MROH2A: variants seen among roughly 807,000 people sequenced by gnomAD.
The protein encoded by MROH2A is maestro heat-like repeat-containing protein family member 2A.
A neutral mutation model predicts 200.4 loss-of-function variants in MROH2A; 174 were observed. The observed-to-expected ratio is 0.87, with a 90% confidence interval of 0.77 to 0.98. The LOEUF is 0.98. Ranked by LOEUF, MROH2A falls within the 50% of genes least tolerant of loss-of-function variation. MROH2A has a pLI of 0.00. For missense variants in MROH2A, 2,045 were observed against 2,139.6 expected (o/e 0.96, Z 0.87); for synonymous variants, 829 against 840.4 (o/e 0.99, Z 0.23).
intron 5 of MROH2A, 111 bp from the exon 6 acceptor site, chr2:233,792,685 G>A (rs1460775162): frequency 1.4e-6 from 1 of 690,748 alleles, no homozygotes; most frequent in South Asian, 1.7e-5. Flanking sequence ...GGCTAAGCCA[G>A]CTCTGGACTG....
intron 10 of MROH2A, 77 bp from the exon 11 acceptor site, chr2:233,796,123 C>G: frequency 6.6e-7 from 1 of 1,510,302 alleles, no homozygotes; most frequent in Non-Finnish European, 9.0e-7. Flanking sequence ...CCCCTCTGAG[C>G]GCTGGGCCTG....
At chr2:233,812,608 C>T (rs535681443) in intron 24 of MROH2A, among the ~76,000 whole-genome samples, 1 of 152,212 alleles carries the variant, frequency 6.6e-6, no homozygotes, top group African/African-American at 2.4e-5. Flanking sequence ...ATGCTGAGTA[C>T]TGAAGGGACA....
Position 233,797,570 on chromosome 2 carries a change from C to T in MROH2A, c.1253-1204C>T, listed in dbSNP as rs2110297. On this transcript the variant is annotated intron_variant, in intron 11 of 41. Transcript: ENST00000389758. ...CGTGGGGCAGTATTTATAGCATGAC[C>T]TTAGTGATGTGGAAGAAATCTATGT... Among the ~76,000 whole-genome samples, 353 of 152,280 alleles carry T rather than the reference C, an allele frequency of 2.3e-3. 11 individuals are homozygous for T. The East Asian group carries it at 0.045, about 19-fold the overall frequency.
rs961878662 is a variant in MROH2A, at chr2:233,818,729, G to A, written c.3163G>A (p.Asp1055Asn). The change falls in exon 29 of 42, where the codon GAT (aspartate) becomes AAT (asparagine). Residue 1055 changes from aspartate (D) to asparagine (N), a missense_variant. By Grantham distance (23) the Asp-to-Asn change is conservative (BLOSUM62 1). Around this residue, in one of 3 missense-constraint regions of MROH2A, gnomAD observed 1,201 missense variants for 1,311.3 expected, o/e 0.92. Coordinates refer to ENST00000389758, the MANE Select transcript of MROH2A (RefSeq NM_001394639.1). ...ATGTAAGGGGGACCTCCAGAGCACA[G>A]ATGTGGAGAAGATCTTCTGTGCATC... ...EKCKGDLQST[D>N]VEKIFCASSR... is the part of the protein sequence containing the mutation. The A allele has an allele frequency of 6.5e-7, 1 of 1,550,270 alleles. No homozygotes were observed. Among genetic ancestry groups the A allele is most frequent in the African/African-American group, 1.4e-5 (1 of 73,164 alleles).
chr2:233,776,492 G>T (rs1439641238), upstream of MROH2A, among the ~76,000 whole-genome samples: 1 of 151,718 alleles, frequency 6.6e-6, no homozygotes, highest in Non-Finnish European at 1.5e-5. Flanking sequence ...GAGTAGCTGG[G>T]ATTACAGGCA....
At chr2:233,809,388 CT>C in intron 22 of MROH2A, 110 bp downstream of exon 22, 1 of 1,222,888 alleles carries the variant, frequency 8.2e-7, no homozygotes, top group Non-Finnish European at 1.1e-6. Context: ...ATCCAGGCAT[CT>C]TACCTGATGC....
chr2:233,776,084 C>A (rs540368576), upstream of MROH2A, among the ~76,000 whole-genome samples: 42 of 152,286 alleles, frequency 2.8e-4, no homozygotes, highest in Middle Eastern at 3.4e-3. Context: ...ATAAATTACC[C>A]AGTCCTGGGT....
rs575122175 is a variant in MROH2A at position 233,826,214 on chromosome 2, C to T, written c.4114-2416C>T. Among the ~76,000 whole-genome samples the T allele has an allele frequency of 1.3e-4, 20 of 152,304 alleles. No individual in the cohort carries two copies. The East Asian group carries it at 2.7e-3, about 21-fold the overall frequency. ...CTGGGATTACAGGCGTGAGCCACCACGCCCGACCACCTCTTTGTATTTCTT... is the reference window on the plus strand; with the variant it reads ...CTGGGATTACAGGCGTGAGCCACCATGCCCGACCACCTCTTTGTATTTCTT... On this transcript the variant is annotated intron_variant, in intron 35 of 41. Coordinates refer to ENST00000389758, the MANE Select transcript of MROH2A (RefSeq NM_001394639.1).
At chr2:233,819,594 T>C in intron 30 of MROH2A, 125 bp downstream of exon 30, 1 of 1,065,788 alleles carries the variant, frequency 9.4e-7, no homozygotes, top group Non-Finnish European at 1.3e-6. Flanking sequence ...CCCTGGCTGC[T>C]AAAGAGGAGG....
chr2:233,822,067 T>C, intron 31 of MROH2A, 57 bp from the exon 32 acceptor site: 2 of 1,505,852 alleles, frequency 1.3e-6, no homozygotes, highest in Non-Finnish European at 1.8e-6. Context: ...AAGGGATTCT[T>C]ACCTGCCAGG....
At chr2:233,819,280 C>A in intron 29 of MROH2A, 37 bp from the exon 30 acceptor site, 1 of 1,533,456 alleles carries the variant, frequency 6.5e-7, no homozygotes, top group East Asian at 2.5e-5. Context: ...CATGGAGTGG[C>A]AGGGGAGGGC....
chr2:233,779,889 A>T, intron 3 of MROH2A, 37 bp downstream of exon 3: 1 of 1,508,616 alleles, frequency 6.6e-7, no homozygotes, highest in South Asian at 1.2e-5. Context: ...AGCCACCTTT[A>T]GCTCTGTGTG....
At chr2:233,785,284 A>G (rs1441293865) in intron 3 of MROH2A, among the ~76,000 whole-genome samples, 1 of 152,114 alleles carries the variant, frequency 6.6e-6, no homozygotes, top group East Asian at 1.9e-4. Context: ...CCTGGGTAAC[A>G]TAGCAAGACC....
intron 23 of MROH2A, among the ~76,000 whole-genome samples, chr2:233,811,153 G>A (rs1371923251): frequency 1.3e-5 from 2 of 152,194 alleles, no homozygotes; most frequent in African/African-American, 4.8e-5. Flanking sequence ...GCTGTCCTGG[G>A]TCCTGCAGTG....
intron 38 of MROH2A, 144 bp downstream of exon 38, chr2:233,829,919 G>A (rs1360794428): frequency 2.7e-6 from 2 of 751,808 alleles, no homozygotes; most frequent in Non-Finnish European, 3.7e-6. Context: ...GCCACAGCCT[G>A]CTCCCTGCTG....
intron 7 of MROH2A, 99 bp downstream of exon 7, chr2:233,793,923 T>C: frequency 1.7e-6 from 2 of 1,191,696 alleles, no homozygotes; most frequent in Non-Finnish European, 2.2e-6. Flanking sequence ...GGTCCACACT[T>C]ACTCCCAGGA....
rs184825373 is a variant in MROH2A at position 233,794,995 on chromosome 2, G to A, written c.966+489G>A. Among the ~76,000 whole-genome samples, 164 of 152,246 alleles carry A rather than the reference G, an allele frequency of 1.1e-3. 1 individual carries two copies. The highest frequency in any genetic ancestry group is 3.9e-3 in the African/African-American group (163 of 41,532). Reference sequence around the variant, plus strand: ...CACTCCAATTTCTCCCTTCCTCATTGCGTGGCCTTTCCCTGTGTGTCCCTC... The same window carrying A: ...CACTCCAATTTCTCCCTTCCTCATTACGTGGCCTTTCCCTGTGTGTCCCTC... On this transcript the variant is annotated intron_variant, in intron 8 of 41. Coordinates refer to ENST00000389758, the MANE Select transcript of MROH2A (RefSeq NM_001394639.1).
rs185251564 is a variant in MROH2A, at chr2:233,813,427, A to G, written c.2652-243A>G. 1.2e-4 allele frequency among the ~76,000 whole-genome samples: 19 copies of G among 152,334 alleles called. No individual in the cohort carries two copies. In the East Asian group the frequency reaches 2.9e-3, roughly 23 times the overall value. ...GATTAACAGGTTCAGAGTAGACAAC[A>G]GCAGATAGGAGAGATGGCCTTGGAC... On this transcript the variant is annotated intron_variant, in intron 24 of 41. Transcript: ENST00000389758.
intron 35 of MROH2A, among the ~76,000 whole-genome samples, chr2:233,824,054 G>C (rs1440495066): frequency 1.3e-5 from 2 of 152,132 alleles, no homozygotes; most frequent in Non-Finnish European, 2.9e-5. Flanking sequence ...GTGTTGGAGC[G>C]TCCTGAGGGC....
Sources: allele counts gnomAD v4.1 joint callset (sites outside exome capture counted in the v4.1 genomes callset), GRCh38; gene constraint gnomAD v4.1.1; regional missense constraint gnomAD v4.1.1; transcripts MANE v1.5; gene names NCBI Gene and HGNC (gene_info 2026-07-23, HGNC 2026-07-21).